Variants in RFX4 observed in about 807,000 individuals in gnomAD.
The protein encoded by RFX4 is transcription factor RFX4.
Under a neutral mutation model 95.0 loss-of-function variants are expected in RFX4, and 10 were observed. The ratio of observed to expected loss-of-function variants is 0.11; its 90% CI spans 0.06 to 0.18. RFX4 has a LOEUF of 0.18. Among genes scored for constraint, RFX4 ranks in the 10% least tolerant of loss-of-function variants. The probability of loss-of-function intolerance (pLI) is 1.00; values close to 1 mark genes in which losing one functional copy is unlikely to be tolerated. For synonymous variants in RFX4, 321 were observed against 340.7 expected (o/e 0.94, Z 0.64); for missense variants, 640 against 922.0 (o/e 0.69, Z 3.96).
intron 13 of RFX4, among the ~76,000 whole-genome samples, chr12:106,725,960 G>C (rs971379660): frequency 6.6e-6 from 1 of 152,038 alleles, no homozygotes; most frequent in Non-Finnish European, 1.5e-5. Flanking sequence ...TAAAAGAAAA[G>C]AAGAGGCCGG....
chr12:106,689,929 G>A (rs1022405524), intron 7 of RFX4, among the ~76,000 whole-genome samples: 1 of 152,078 alleles, frequency 6.6e-6, no homozygotes, highest in Non-Finnish European at 1.5e-5. Flanking sequence ...AGGAGGAAAT[G>A]AGAAAGGATG....
intron 7 of RFX4, among the ~76,000 whole-genome samples, chr12:106,690,531 C>T (rs981490404): frequency 6.6e-6 from 1 of 152,150 alleles, no homozygotes; most frequent in Non-Finnish European, 1.5e-5. Context: ...GTTTATTTCC[C>T]ACCCATGTCA....
chr12:106,726,032 C>T (rs774688215), intron 13 of RFX4, among the ~76,000 whole-genome samples: 38 of 151,904 alleles, frequency 2.5e-4, no homozygotes, highest in South Asian at 4.2e-4. Flanking sequence ...AGGCAGATCA[C>T]GAGGTCAGGA....
At chr12:106,662,211 C>A (rs1416583733) in intron 4 of RFX4, 1 of 409,814 alleles carries the variant, frequency 2.4e-6, no homozygotes, top group East Asian at 8.3e-5. Context: ...TGCTCTACAT[C>A]CTCACCAGCA....
At chr12:106,724,939 G>T (rs904518509) in intron 13 of RFX4, among the ~76,000 whole-genome samples, 1 of 151,644 alleles carries the variant, frequency 6.6e-6, no homozygotes, top group South Asian at 2.1e-4. Flanking sequence ...TTGAACCCAC[G>T]GGGGCAGAGG....
At chr12:106,601,223 C>G in intron 1 of RFX4, 1 of 1,548,922 alleles carries the variant, frequency 6.5e-7, no homozygotes, top group South Asian at 1.2e-5. Context: ...TCCTGTGTGT[C>G]GCCACTGCCA....
At chr12:106,752,535 C>T (rs2043028403) in intron 17 of RFX4, among the ~76,000 whole-genome samples, 1 of 152,054 alleles carries the variant, frequency 6.6e-6, no homozygotes, top group Admixed American at 6.6e-5. Context: ...CGGGCAGCTA[C>T]CCTCACCCTG....
intron 1 of RFX4, among the ~76,000 whole-genome samples, chr12:106,599,153 T>A (rs2039662108): frequency 6.6e-6 from 1 of 151,676 alleles, no homozygotes; most frequent in Admixed American, 6.6e-5. Flanking sequence ...TCGTTGGGAG[T>A]TTCCTCGTTC....
chr12:106,649,043 A>G (rs2040810463), intron 3 of RFX4, among the ~76,000 whole-genome samples: 1 of 152,114 alleles, frequency 6.6e-6, no homozygotes, highest in South Asian at 2.1e-4. Flanking sequence ...TTCAAATATA[A>G]TCAAGTTGTT....
At chr12:106,584,276 G>A (rs1441819988) in intron 1 of RFX4, among the ~76,000 whole-genome samples, 1 of 152,028 alleles carries the variant, frequency 6.6e-6, no homozygotes, top group African/African-American at 2.4e-5. Context: ...ATCTGTTAAC[G>A]CTCCCTAAGT....
chr12:106,639,603 G>C (rs1470818461), intron 3 of RFX4, among the ~76,000 whole-genome samples: 1 of 152,166 alleles, frequency 6.6e-6, no homozygotes, highest in East Asian at 1.9e-4. Context: ...TTTTAGGGTA[G>C]ATGTTTTTTC....
Position 106,586,034 on chromosome 12 carries a change from G to GC in RFX4, c.43+2674dup, listed in dbSNP as rs750964827. ...CAACAAGTGTGGAGCTAAGACAATG[G>GC]CCCGGTCGGGGGAAGCTGGGCAGCC... On this transcript the variant is annotated intron_variant, in intron 1 of 17. Coordinates refer to ENST00000392842, the MANE Select transcript of RFX4 (RefSeq NM_213594.3). The surrounding 1 kb of genome is among the most constrained non-coding windows in gnomAD (Gnocchi z 5.6). The GC allele has an allele frequency of 6.6e-6, 1 of 152,230 alleles. No individual in the cohort carries two copies. The highest frequency in any genetic ancestry group is 1.5e-5 in the Non-Finnish European group (1 of 68,070). 9.4% of individuals were successfully genotyped at this position (152,230 alleles called of 1,614,324 possible). A position where few individuals can be genotyped will look rare whatever the true frequency, so the allele number is the denominator to read the frequency against.
chr12:106,690,439 C>A (rs1321203373), intron 7 of RFX4, among the ~76,000 whole-genome samples: 1 of 152,158 alleles, frequency 6.6e-6, no homozygotes, highest in Non-Finnish European at 1.5e-5. Context: ...TCACTGAGAT[C>A]AGGACAAATA....
Position 106,762,349 on chromosome 12 carries a change from A to G in RFX4, c.*880A>G, listed in dbSNP as rs745454787. ...AACTGGATGGAACAAACTTTAACTT[A>G]CCAAGCACCAAGTGTGAAAGTGACT... is the stretch of plus-strand genomic sequence containing the variant. On this transcript the variant is annotated 3_prime_UTR_variant, in exon 18 of 18. Coordinates refer to ENST00000392842, the MANE Select transcript of RFX4 (RefSeq NM_213594.3). 2 of 152,612 alleles carry G rather than the reference A, an allele frequency of 1.3e-5. No individual in the cohort carries two copies. The highest frequency in any genetic ancestry group is 6.5e-5 in the Admixed American group (1 of 15,290). The allele number at this position is 152,612 out of a possible 1,614,324, so 9.5% of individuals were successfully genotyped here.
intron 15 of RFX4, among the ~76,000 whole-genome samples, chr12:106,746,441 A>G (rs988622545): frequency 6.6e-6 from 1 of 151,886 alleles, no homozygotes; most frequent in African/African-American, 2.4e-5. Context: ...CTAAGGGGGA[A>G]GGATCCCTTG....
At chr12:106,714,012 G>A (rs2042237538) in intron 10 of RFX4, among the ~76,000 whole-genome samples, 1 of 139,016 alleles carries the variant, frequency 7.2e-6, no homozygotes, top group Non-Finnish European at 1.5e-5. Flanking sequence ...AGAGGTTACA[G>A]TGAGCCAAGA....
chr12:106,620,463 A>G (rs2040160656), intron 2 of RFX4, among the ~76,000 whole-genome samples: 1 of 152,200 alleles, frequency 6.6e-6, no homozygotes, highest in Non-Finnish European at 1.5e-5. Context: ...ATATAAGAAC[A>G]GAGAGTAGGT....
chr12:106,749,571 A>T (rs2042961087), intron 16 of RFX4, among the ~76,000 whole-genome samples: 1 of 152,214 alleles, frequency 6.6e-6, no homozygotes, highest in Admixed American at 6.5e-5. Context: ...ACTCTGTTTC[A>T]GAGAGATTTT....
intron 3 of RFX4, among the ~76,000 whole-genome samples, chr12:106,641,702 A>C (rs912726441): frequency 6.6e-6 from 1 of 152,218 alleles, no homozygotes; most frequent in South Asian, 2.1e-4. Flanking sequence ...GAATTTGTAC[A>C]TATTCGCCTA....
Sources: gnomAD v4.1 joint callset for allele counts (sites outside exome capture counted in the v4.1 genomes callset) on GRCh38, gnomAD v4.1.1 for gene constraint, Gnocchi (gnomAD v3.1) non-coding constraint, MANE v1.5 for transcripts, NCBI Gene and HGNC (gene_info 2026-07-23, HGNC 2026-07-21) for gene names.